PITPNM2: variants seen among roughly 807,000 people sequenced by gnomAD.
PITPNM2 encodes membrane-associated phosphatidylinositol transfer protein 2.
PITPNM2 carries 35 observed loss-of-function variants against 132.2 expected under a neutral mutation model. That is an observed-to-expected ratio of 0.26 (90% confidence interval 0.20 to 0.35). The LOEUF is 0.35. Among genes scored for constraint, PITPNM2 ranks in the 10% least tolerant of loss-of-function variants. The pLI is 1.00. For missense variants in PITPNM2, 1,332 were observed against 1,912.0 expected (o/e 0.70, Z 5.66); for synonymous variants, 738 against 799.2 (o/e 0.92, Z 1.29).
At chr12:123,104,264 C>A (rs879740001) in intron 2 of PITPNM2, among the ~76,000 whole-genome samples, 3 of 152,228 alleles carry the variant, frequency 2.0e-5, no homozygotes, top group African/African-American at 7.2e-5. Flanking sequence ...TGGGGCCCAA[C>A]AGGCTCGCAG....
intron 1 of PITPNM2, among the ~76,000 whole-genome samples, chr12:123,124,378 G>T (rs2043094756): frequency 6.6e-6 from 1 of 151,916 alleles, no homozygotes; most frequent in Admixed American, 6.6e-5. Flanking sequence ...GCTGCAGTGA[G>T]CCAAGATCAC....
At chr12:123,086,614 C>T (rs944986040) in intron 2 of PITPNM2, among the ~76,000 whole-genome samples, 3 of 152,120 alleles carry the variant, frequency 2.0e-5, no homozygotes, top group Non-Finnish European at 4.4e-5. Context: ...TCTTTTTGTC[C>T]CCATGTTGCA....
In PITPNM2 at chr12:122,992,792, GTC is replaced by G; in HGVS notation, c.2234-125_2234-124del. ...AAGTTAGGGATAAGATGGGGGGTGT[GTC>G]TCTATCAATTTGGGACCTGTTTGGG... On this transcript the variant is annotated intron_variant, in intron 15 of 25. Coordinates refer to ENST00000320201, the MANE Select transcript of PITPNM2 (RefSeq NM_020845.3). This position sits in a 1 kb window ranked among gnomAD's most constrained non-coding sequence, Gnocchi z 6.5. 1.4e-6 allele frequency: 1 copy of G among 693,364 alleles called. No homozygotes were observed. Among genetic ancestry groups the G allele is most frequent in the Non-Finnish European group, 2.4e-6 (1 of 424,342 alleles). The allele number at this position is 693,364 out of a possible 1,614,324, so 43.0% of individuals were successfully genotyped here. A position where few individuals can be genotyped will look rare whatever the true frequency, so the allele number is the denominator to read the frequency against.
At chr12:123,040,001 G>A (rs2040407385) in intron 2 of PITPNM2, among the ~76,000 whole-genome samples, 1 of 152,142 alleles carries the variant, frequency 6.6e-6, no homozygotes. Context: ...GTGTGGTGGA[G>A]TGCCTGTAGT....
rs879081505 is a variant in PITPNM2 at position 123,000,701 on chromosome 12, C to A, written c.1224+77G>T. ...CAGGCCCAGAGTTCCACCTCTGTAA[C>A]CCCTCAGACTATTCCTCTGCACCCT... On this transcript the variant is annotated intron_variant, in intron 10 of 25. Transcript: ENST00000320201. This position sits in a 1 kb window ranked among gnomAD's most constrained non-coding sequence, Gnocchi z 5.4. 6.1e-6 allele frequency: 9 copies of A among 1,478,264 alleles called. No individual in the cohort carries two copies. In the South Asian group the frequency reaches 9.5e-5, roughly 16 times the overall value. The allele number at this position is 1,478,264 out of a possible 1,614,324, so 91.6% of individuals were successfully genotyped here.
intron 2 of PITPNM2, among the ~76,000 whole-genome samples, chr12:123,056,677 G>A (rs1303627878): frequency 6.6e-6 from 1 of 152,200 alleles, no homozygotes; most frequent in Non-Finnish European, 1.5e-5. Context: ...TCCCTGCACT[G>A]GGTGACACTG....
intron 2 of PITPNM2, among the ~76,000 whole-genome samples, chr12:123,066,039 C>T (rs1369249431): frequency 1.3e-5 from 2 of 152,198 alleles, no homozygotes; most frequent in Non-Finnish European, 2.9e-5. Flanking sequence ...GCCCTGTATG[C>T]GTTTGTGTGC....
intron 2 of PITPNM2, chr12:123,092,573 G>T (rs746658228): frequency 4.6e-5 from 7 of 152,214 alleles, no homozygotes; most frequent in Admixed American, 6.5e-5. Flanking sequence ...CGGCCCAAAA[G>T]GCTCCTCAAG....
chr12:123,109,260 G>GA (rs146702277), intron 2 of PITPNM2, among the ~76,000 whole-genome samples: 2,542 of 152,298 alleles, frequency 0.017, 35 homozygotes, highest in Non-Finnish European at 0.027. Context: ...AAAAAAGAAG[G>GA]AAAAATCACT....
At chr12:123,032,225 T>A (rs1363794276) in intron 3 of PITPNM2, among the ~76,000 whole-genome samples, 1 of 152,214 alleles carries the variant, frequency 6.6e-6, no homozygotes, top group African/African-American at 2.4e-5. Context: ...ACGCCTGTAA[T>A]CCCAGCACTT....
Position 122,984,095 on chromosome 12 carries a change from G to A in PITPNM2, c.*1932C>T, listed in dbSNP as rs1209550864. On this transcript the variant is annotated 3_prime_UTR_variant, in exon 26 of 26. Transcript: ENST00000320201. Reference sequence around the variant, plus strand: ...GAGGGCCGCTGGGAGAGCCCCAGGGGACTATTGCTGTTGTCCTTGGCATGG... The same window carrying A: ...GAGGGCCGCTGGGAGAGCCCCAGGGAACTATTGCTGTTGTCCTTGGCATGG... The A allele has an allele frequency of 2.0e-5, 3 of 152,856 alleles. No homozygotes were observed. The highest frequency in any genetic ancestry group is 4.8e-5 in the African/African-American group (2 of 41,474). 9.5% of individuals were successfully genotyped at this position (152,856 alleles called of 1,614,324 possible).
chr12:122,996,379 G>A, intron 13 of PITPNM2, 79 bp downstream of exon 13: 1 of 1,569,148 alleles, frequency 6.4e-7, no homozygotes, highest in Non-Finnish European at 8.6e-7. Flanking sequence ...GCCAGGTGCA[G>A]GAACAGGCAG....
intron 18 of PITPNM2, among the ~76,000 whole-genome samples, chr12:122,989,122 C>T (rs543075631): frequency 2.8e-4 from 42 of 152,322 alleles, no homozygotes; most frequent in Admixed American, 6.5e-4. Flanking sequence ...GAGGACCAGT[C>T]GCCATCTGTG....
chr12:123,021,591 T>C (rs1314083923), intron 3 of PITPNM2: 1 of 879,908 alleles, frequency 1.1e-6, no homozygotes, highest in African/African-American at 1.8e-5. Flanking sequence ...TCACAGTTTC[T>C]AAATCAAGCC....
At chr12:123,127,481 G>A (rs2043163911) in intron 1 of PITPNM2, among the ~76,000 whole-genome samples, 1 of 152,162 alleles carries the variant, frequency 6.6e-6, no homozygotes, top group African/African-American at 2.4e-5. Flanking sequence ...GCAACAGGCT[G>A]CCATACTGTC....
At chr12:123,038,821 C>G (rs555869897) in intron 2 of PITPNM2, among the ~76,000 whole-genome samples, 1 of 151,980 alleles carries the variant, frequency 6.6e-6, no homozygotes, top group African/African-American at 2.4e-5. Context: ...ATTACCTGGC[C>G]GGGCACGGTG....
chr12:123,073,852 CCT>C (rs1448516503), intron 2 of PITPNM2, among the ~76,000 whole-genome samples: 4 of 152,164 alleles, frequency 2.6e-5, no homozygotes, highest in African/African-American at 9.7e-5. Context: ...CCTGCTCCTT[CCT>C]CTCTCTAATT....
chr12:123,115,427 A>G (rs896706776), intron 1 of PITPNM2, among the ~76,000 whole-genome samples: 4 of 152,202 alleles, frequency 2.6e-5, no homozygotes, highest in African/African-American at 9.7e-5. Context: ...TGGCAAAAGC[A>G]GAGCCCAAAG....
At chr12:122,990,915 CGAATG>C (rs1473340601) in intron 16 of PITPNM2, among the ~76,000 whole-genome samples, 1 of 152,118 alleles carries the variant, frequency 6.6e-6, no homozygotes, top group African/African-American at 2.4e-5. Flanking sequence ...GGTGGACTGA[CGAATG>C]GACACAGACA....
Sources: allele counts gnomAD v4.1 joint callset (sites outside exome capture counted in the v4.1 genomes callset), GRCh38; gene constraint gnomAD v4.1.1; non-coding constraint Gnocchi (gnomAD v3.1); transcripts MANE v1.5; gene names NCBI Gene and HGNC (gene_info 2026-07-23, HGNC 2026-07-21).